Variants in RPS6KA2 observed in about 807,000 individuals in gnomAD.
RPS6KA2 encodes ribosomal protein S6 kinase A2, also known as ribosomal protein S6 kinase alpha-2.
RPS6KA2 carries 42 observed loss-of-function variants against 91.8 expected under a neutral mutation model. That is an observed-to-expected ratio of 0.46 (90% confidence interval 0.36 to 0.59). RPS6KA2 has a LOEUF of 0.59. Ranked by LOEUF, RPS6KA2 falls within the 20% of genes least tolerant of loss-of-function variation. The probability of loss-of-function intolerance (pLI) is 0.00; values close to 1 mark genes in which losing one functional copy is unlikely to be tolerated. For synonymous variants in RPS6KA2, 414 were observed against 393.6 expected, an observed-to-expected ratio of 1.05 and a Z score of -0.61; for missense variants, 798 against 978.5, an observed-to-expected ratio of 0.82 and a Z score of 2.46.
At chr6:166,415,953 CCTTCACCATCAT>C (rs1215063757) in intron 19 of RPS6KA2, among the ~76,000 whole-genome samples, 30 of 148,066 alleles carry the variant, frequency 2.0e-4, no homozygotes, top group Admixed American at 3.3e-4. Context: ...ACCACAATCA[CCTTCACCATCAT>C]CTTCACCATC....
chr6:166,803,484 A>G (rs1215617012), intron 2 of RPS6KA2, among the ~76,000 whole-genome samples: 1 of 152,218 alleles, frequency 6.6e-6, no homozygotes, highest in Non-Finnish European at 1.5e-5. Flanking sequence ...AGCAACCCAC[A>G]TGTTATGAGG....
intron 2 of RPS6KA2, among the ~76,000 whole-genome samples, chr6:166,684,004 C>T (rs1169192704): frequency 6.6e-6 from 1 of 152,186 alleles, no homozygotes; most frequent in Non-Finnish European, 1.5e-5. Flanking sequence ...GGACCCTATC[C>T]CAGACACGCT....
At position 166,495,173 on chromosome 6, in the gene RPS6KA2, T is replaced by C. The variant is rs367689792; in HGVS notation, c.747+3335A>G. Among the ~76,000 whole-genome samples, 8 of 152,346 alleles carry C rather than the reference T, an allele frequency of 5.3e-5. No individual in the cohort carries two copies. The East Asian group carries it at 1.2e-3, about 22-fold the overall frequency. On this transcript the variant is annotated intron_variant, in intron 8 of 20. Transcript: ENST00000265678. The surrounding 1 kb of genome is among the most constrained non-coding windows in gnomAD (Gnocchi z 4.4). The stretch of plus-strand genomic sequence containing the variant: ...CTTTCAGCTTTAGTTTTCATTTCTG[T>C]GCACAGAAAGAATACCGTCTTTCCT...
intron 2 of RPS6KA2, among the ~76,000 whole-genome samples, chr6:166,834,208 G>A (rs1174058819): frequency 6.6e-6 from 1 of 152,188 alleles, no homozygotes; most frequent in Non-Finnish European, 1.5e-5. Flanking sequence ...GATGCTGTCA[G>A]ACTTTTCAGT....
At chr6:166,702,767 C>T (rs970462261) in intron 2 of RPS6KA2, 4 of 1,201,928 alleles carry the variant, frequency 3.3e-6, no homozygotes, top group African/African-American at 3.0e-5. Context: ...GGGATCTTGG[C>T]GTCCTTCAAG....
intron 3 of RPS6KA2, among the ~76,000 whole-genome samples, chr6:166,519,591 T>A (rs982957248): frequency 1.3e-5 from 2 of 152,128 alleles, no homozygotes; most frequent in Non-Finnish European, 2.9e-5. Flanking sequence ...CCCAAGACAA[T>A]CCCTGGGGCT....
At position 166,563,394 on chromosome 6, in the gene RPS6KA2, C is replaced by T. The variant is rs928997046; in HGVS notation, c.100-24610G>A. Among the ~76,000 whole-genome samples, 1 of 152,202 alleles carries T rather than the reference C, an allele frequency of 6.6e-6. No homozygotes were observed. Among genetic ancestry groups the T allele is most frequent in the African/African-American group, 2.4e-5 (1 of 41,448 alleles). ...TTTCCTCCCAGTCTCCTGGGCTCGC[C>T]GCCAGCGGTGGGATCCCTCTTCCTG... On this transcript the variant is annotated intron_variant, in intron 1 of 20. Transcript: ENST00000265678. This position sits in a 1 kb window ranked among gnomAD's most constrained non-coding sequence, Gnocchi z 4.1.
At chr6:166,607,290 C>A (rs1001288536) in intron 1 of RPS6KA2, among the ~76,000 whole-genome samples, 2 of 152,092 alleles carry the variant, frequency 1.3e-5, no homozygotes, top group Non-Finnish European at 1.5e-5. Context: ...CAGGTATAAA[C>A]CCAGGAGAAA....
At chr6:166,422,411 G>A (rs934952213) in intron 17 of RPS6KA2, among the ~76,000 whole-genome samples, 1 of 152,140 alleles carries the variant, frequency 6.6e-6, no homozygotes, top group Non-Finnish European at 1.5e-5. Flanking sequence ...AGACCTGGCT[G>A]CTCGCTTGAC....
rs1251882943 is a variant in RPS6KA2, at chr6:166,665,362, TG to T, written c.124-126579del. 6.6e-6 allele frequency among the ~76,000 whole-genome samples: 1 copy of T among 152,180 alleles called. No homozygotes were observed. Among genetic ancestry groups the T allele is most frequent in the East Asian group, 1.9e-4 (1 of 5,188 alleles). On this transcript the variant is annotated intron_variant, in intron 2 of 21. Transcript: ENST00000503859. The surrounding 1 kb of genome is among the most constrained non-coding windows in gnomAD (Gnocchi z 4.5). ...AACTGAGTCTCTCTGCAGCTGCCTC[TG>T]GGCTTTGTCTGGTGTGCCTATACCC...
intron 19 of RPS6KA2, among the ~76,000 whole-genome samples, chr6:166,415,917 C>T (rs377256119): frequency 1.3e-5 from 2 of 149,018 alleles, no homozygotes; most frequent in Admixed American, 6.6e-5. Context: ...CACCGTCCTT[C>T]CTCCATCACC....
chr6:166,447,822 G>A (rs181087058), intron 14 of RPS6KA2, among the ~76,000 whole-genome samples: 7 of 152,318 alleles, frequency 4.6e-5, no homozygotes, highest in African/African-American at 1.4e-4. Flanking sequence ...GGAATAAGCC[G>A]GGAGGGTCCT....
intron 1 of RPS6KA2, among the ~76,000 whole-genome samples, chr6:166,550,267 T>A (rs939615878): frequency 6.6e-6 from 1 of 152,230 alleles, no homozygotes; most frequent in African/African-American, 2.4e-5. Flanking sequence ...CTCTGTTTAC[T>A]CACTGCTATC....
chr6:166,668,331 T>C (rs6903559), intron 2 of RPS6KA2, among the ~76,000 whole-genome samples: 54,109 of 151,790 alleles, frequency 0.36, 9,936 homozygotes, highest in Middle Eastern at 0.45. Context: ...TATGGTGGGG[T>C]AGTGTTGAGA....
chr6:166,583,398 T>C (rs1785077832), intron 1 of RPS6KA2, among the ~76,000 whole-genome samples: 1 of 152,174 alleles, frequency 6.6e-6, no homozygotes, highest in African/African-American at 2.4e-5. Flanking sequence ...CTGTGAGTCT[T>C]GGTGATTAAA....
chr6:166,631,084 G>T (rs1251076970), upstream of RPS6KA2, among the ~76,000 whole-genome samples: 3 of 152,176 alleles, frequency 2.0e-5, no homozygotes, highest in East Asian at 5.8e-4. Flanking sequence ...TCACATCTGG[G>T]TGCCAACCAA....
intron 1 of RPS6KA2, among the ~76,000 whole-genome samples, chr6:166,611,672 A>C (rs1468147646): frequency 6.6e-6 from 1 of 152,242 alleles, no homozygotes; most frequent in African/African-American, 2.4e-5. Flanking sequence ...GCTCAGGCTG[A>C]TCAGGGCTCC....
intron 12 of RPS6KA2, among the ~76,000 whole-genome samples, chr6:166,457,963 G>C (rs1051594818): frequency 6.6e-6 from 1 of 152,196 alleles, no homozygotes; most frequent in Non-Finnish European, 1.5e-5. Context: ...CCAAGATGCA[G>C]CCTGGCCAAC....
intron 3 of RPS6KA2, among the ~76,000 whole-genome samples, chr6:166,519,346 A>G (rs1042070857): frequency 1.3e-5 from 2 of 152,210 alleles, no homozygotes; most frequent in African/African-American, 4.8e-5. Flanking sequence ...GGGGATTGCT[A>G]CTATAGATGT....
Sources: gnomAD v4.1 joint callset for allele counts (sites outside exome capture counted in the v4.1 genomes callset) on GRCh38, gnomAD v4.1.1 for gene constraint, Gnocchi (gnomAD v3.1) non-coding constraint, MANE v1.5 for transcripts, NCBI Gene and HGNC (gene_info 2026-07-23, HGNC 2026-07-21) for gene names.